SKIC3: variants seen among roughly 807,000 people sequenced by gnomAD.
SKIC3 encodes superkiller complex protein 3.
the SKIC3 span, among the ~76,000 whole-genome samples, chr5:95,492,652 G>GAAAAAAAAAAAAAAAAAAAAAAAAAA: frequency 2.7e-4 from 13 of 48,842 alleles, 3 homozygotes; most frequent in Non-Finnish European, 3.5e-4. Context: ...AAAAAAAAAA[G>GAAAAAAAAAAAAAAAAAAAAAAAAAA]AAAAAAAAAA....
chr5:95,529,451 T>C, the SKIC3 span: 2 of 363,880 alleles, frequency 5.5e-6, no homozygotes, highest in Non-Finnish European at 1.1e-5. Context: ...GTCAGGATAC[T>C]GTGCAAACTC....
the SKIC3 span, among the ~76,000 whole-genome samples, chr5:95,526,016 T>C: frequency 6.6e-6 from 1 of 152,182 alleles, no homozygotes; most frequent in Non-Finnish European, 1.5e-5. Flanking sequence ...ATCCCAGATA[T>C]TGTAACTTTT....
At chr5:95,508,882 T>A in the SKIC3 span, among the ~76,000 whole-genome samples, 1 of 152,208 alleles carries the variant, frequency 6.6e-6, no homozygotes, top group Non-Finnish European at 1.5e-5. Flanking sequence ...AACAAACACA[T>A]CACAATGTTC....
the SKIC3 span, among the ~76,000 whole-genome samples, chr5:95,534,345 C>T: frequency 2.6e-5 from 4 of 152,146 alleles, no homozygotes; most frequent in African/African-American, 9.7e-5. Context: ...TCTTACACCA[C>T]TCCTGCCAGG....
the SKIC3 span, among the ~76,000 whole-genome samples, chr5:95,492,652 G>GAAAAAAAAAAAAAAAAAAAAAAA: frequency 1.0e-3 from 49 of 48,840 alleles, 16 homozygotes; most frequent in East Asian, 2.2e-3. Flanking sequence ...AAAAAAAAAA[G>GAAAAAAAAAAAAAAAAAAAAAAA]AAAAAAAAAA....
chr5:95,498,255 G>T, the SKIC3 span: 2 of 1,052,204 alleles, frequency 1.9e-6, no homozygotes, highest in Non-Finnish European at 2.9e-6. Flanking sequence ...TAAAACCAGG[G>T]TTTGGTTTTC....
chr5:95,552,315 AAACTGAGCTACTC>A, the SKIC3 span, among the ~76,000 whole-genome samples: 1 of 152,208 alleles, frequency 6.6e-6, no homozygotes, highest in South Asian at 2.1e-4. Flanking sequence ...CCAAACCTCC[AAACTGAGCTACTC>A]AACTGCAACT....
At chr5:95,470,880 A>G in the SKIC3 span, among the ~76,000 whole-genome samples, 3 of 152,166 alleles carry the variant, frequency 2.0e-5, no homozygotes, top group Non-Finnish European at 4.4e-5. Flanking sequence ...TGAATTATGT[A>G]AAGAGAAAAA....
At chr5:95,482,562 GGAGT>G in the SKIC3 span, 1 of 1,614,040 alleles carries the variant, frequency 6.2e-7, no homozygotes, top group Non-Finnish European at 8.5e-7. Flanking sequence ...TGTGACTCCA[GGAGT>G]GGTTTACACT....
chr5:95,526,826 G>A, the SKIC3 span, among the ~76,000 whole-genome samples: 1 of 152,058 alleles, frequency 6.6e-6, no homozygotes, highest in Non-Finnish European at 1.5e-5. Context: ...TAATTCACTG[G>A]GGATTGCAAA....
chr5:95,530,594 G>C, the SKIC3 span, among the ~76,000 whole-genome samples: 1 of 152,042 alleles, frequency 6.6e-6, no homozygotes, highest in African/African-American at 2.4e-5. Flanking sequence ...TTCTCTTCCT[G>C]GGCAACCATG....
the SKIC3 span, among the ~76,000 whole-genome samples, chr5:95,541,599 A>G: frequency 6.6e-6 from 1 of 152,066 alleles, no homozygotes; most frequent in Non-Finnish European, 1.5e-5. Context: ...TATTATATTG[A>G]CTGAAAATAA....
chr5:95,494,718 G>A, the SKIC3 span: 1 of 1,613,652 alleles, frequency 6.2e-7, no homozygotes, highest in Non-Finnish European at 8.5e-7. Flanking sequence ...ATGGTCTTTA[G>A]TGCAGTATTT....
the SKIC3 span, chr5:95,536,736 A>T: frequency 1.7e-6 from 2 of 1,148,142 alleles, no homozygotes; most frequent in East Asian, 4.7e-5. Context: ...CATGGTAGAC[A>T]CTAAAACATT....
chr5:95,534,991 T>C, the SKIC3 span, among the ~76,000 whole-genome samples: 1 of 152,200 alleles, frequency 6.6e-6, no homozygotes, highest in East Asian at 1.9e-4. Flanking sequence ...GAGGTGAAAG[T>C]TAAAATTGAT....
chr5:95,523,763 T>C, the SKIC3 span: 3 of 1,613,604 alleles, frequency 1.9e-6, no homozygotes, highest in Non-Finnish European at 2.5e-6. Context: ...TGTTTTTATC[T>C]CCCACTACGT....
At chr5:95,541,435 A>C in the SKIC3 span, 5 of 1,555,844 alleles carry the variant, frequency 3.2e-6, no homozygotes, top group Non-Finnish European at 4.4e-6. Flanking sequence ...TGATTAATAA[A>C]AATAACCAAG....
chr5:95,542,314 T>C, the SKIC3 span, among the ~76,000 whole-genome samples: 3 of 152,196 alleles, frequency 2.0e-5, no homozygotes, highest in Non-Finnish European at 4.4e-5. Flanking sequence ...AAAAATTGTA[T>C]GTTTTTAAGG....
chr5:95,498,654 C>G, the SKIC3 span: 1 of 1,439,788 alleles, frequency 6.9e-7, no homozygotes. Context: ...GAGACGGAGT[C>G]TCGCTCTGTC....
Sources: gnomAD v4.1 joint callset for allele counts (sites outside exome capture counted in the v4.1 genomes callset) on GRCh38, gnomAD v4.1.1 for gene constraint, MANE v1.5 for transcripts, NCBI Gene and HGNC (gene_info 2026-07-23, HGNC 2026-07-21) for gene names.